The following DNAJC1 variants were observed in gnomAD, a reference collection of about 807,000 sequenced individuals.
The protein encoded by DNAJC1 is DnaJ heat shock protein family (Hsp40) member C1.
DNAJC1 carries 58 observed loss-of-function variants against 76.6 expected under a neutral mutation model. The ratio of observed to expected loss-of-function variants is 0.76; its 90% confidence interval spans 0.61 to 0.94. The LOEUF is 0.94. Ranked by LOEUF, DNAJC1 falls within the 40% of genes least tolerant of loss-of-function variation. The pLI is 0.00. For missense variants in DNAJC1, 689 were observed against 677.3 expected (o/e 1.02, Z -0.19); for synonymous variants, 258 against 267.9 (o/e 0.96, Z 0.36).
At chr10:21,832,719 T>C (rs976620782) in intron 8 of DNAJC1, among the ~76,000 whole-genome samples, 1 of 152,192 alleles carries the variant, frequency 6.6e-6, no homozygotes, top group Non-Finnish European at 1.5e-5. Context: ...GCAAAAATCT[T>C]CTAATGGGTC....
chr10:21,773,438 A>AT (rs1173994957), intron 9 of DNAJC1, among the ~76,000 whole-genome samples: 1 of 151,272 alleles, frequency 6.6e-6, no homozygotes, highest in African/African-American at 2.4e-5. Context: ...ATTTGCCCAG[A>AT]TTTTTTTTTC....
intron 1 of DNAJC1, among the ~76,000 whole-genome samples, chr10:21,984,834 C>G (rs1209977289): frequency 6.6e-6 from 1 of 152,162 alleles, no homozygotes; most frequent in African/African-American, 2.4e-5. Flanking sequence ...AGACCAAGTT[C>G]TGACAGCATA....
At chr10:21,910,303 C>T (rs1226820958) in intron 6 of DNAJC1, among the ~76,000 whole-genome samples, 1 of 151,882 alleles carries the variant, frequency 6.6e-6, no homozygotes, top group South Asian at 2.1e-4. Flanking sequence ...TTTAGTAAGA[C>T]GGCGTTTCAC....
At chr10:21,821,804 G>A (rs995395931) in intron 8 of DNAJC1, among the ~76,000 whole-genome samples, 6 of 150,366 alleles carry the variant, frequency 4.0e-5, no homozygotes, top group African/African-American at 9.8e-5. Flanking sequence ...CAAGTATTCT[G>A]TCTTCAGGCA....
At chr10:21,974,817 T>C (rs1031398036) in intron 1 of DNAJC1, among the ~76,000 whole-genome samples, 1 of 152,110 alleles carries the variant, frequency 6.6e-6, no homozygotes, top group Non-Finnish European at 1.5e-5. Context: ...CAAAATACAA[T>C]GTAATATTAT....
chr10:21,931,307 C>T lies in DNAJC1; in HGVS notation c.223-2166G>A, dbSNP rs542730484. Among the ~76,000 whole-genome samples, 6 of 152,274 alleles carry T rather than the reference C, an allele frequency of 3.9e-5. No individual in the cohort carries two copies. In the East Asian group the frequency reaches 7.7e-4, roughly 20 times the overall value. On this transcript the variant is annotated intron_variant, in intron 1 of 11. Coordinates refer to ENST00000376980, the MANE Select transcript of DNAJC1 (RefSeq NM_022365.4). ...GACAGCTCTCTTCTAAGGAACAGGG[C>T]TCTGTTTCTTATACACAAATATTGC...
At chr10:21,808,251 T>G (rs1034136021) in intron 8 of DNAJC1, among the ~76,000 whole-genome samples, 5 of 152,180 alleles carry the variant, frequency 3.3e-5, no homozygotes, top group African/African-American at 1.2e-4. Flanking sequence ...GGTAGTAAAC[T>G]AAGTCTTTAA....
At chr10:21,778,886 C>A (rs923110458) in intron 9 of DNAJC1, among the ~76,000 whole-genome samples, 1 of 152,202 alleles carries the variant, frequency 6.6e-6, no homozygotes, top group Admixed American at 6.5e-5. Flanking sequence ...AAAATTGGGT[C>A]ACTCCCACCC....
chr10:21,830,319 G>A (rs941881529), intron 8 of DNAJC1, among the ~76,000 whole-genome samples: 2 of 152,136 alleles, frequency 1.3e-5, no homozygotes, highest in African/African-American at 4.8e-5. Context: ...TAGTTTGTTT[G>A]AAAATATCTT....
At chr10:21,764,309 A>G (rs1157505917) in intron 10 of DNAJC1, among the ~76,000 whole-genome samples, 1 of 152,238 alleles carries the variant, frequency 6.6e-6, no homozygotes. Context: ...TATGTGCATC[A>G]GAAAAGTCTG....
intron 9 of DNAJC1, among the ~76,000 whole-genome samples, chr10:21,798,293 C>G (rs932322002): frequency 2.0e-5 from 3 of 152,182 alleles, no homozygotes; most frequent in African/African-American, 7.2e-5. Flanking sequence ...TCAAACTTCC[C>G]CACCAAACAG....
At chr10:21,867,799 C>T (rs1480052671) in intron 8 of DNAJC1, among the ~76,000 whole-genome samples, 1 of 151,910 alleles carries the variant, frequency 6.6e-6, no homozygotes, top group Non-Finnish European at 1.5e-5. Context: ...AGGCCGGGTG[C>T]CGTAGCTCAC....
chr10:21,890,422 A>C (rs1017982596), intron 7 of DNAJC1, among the ~76,000 whole-genome samples: 4 of 116,850 alleles, frequency 3.4e-5, no homozygotes, highest in South Asian at 2.4e-4. Flanking sequence ...CCCCCCCTAC[A>C]AAAAAAAAAA....
At chr10:21,901,565 A>G (rs749589411) in intron 7 of DNAJC1, among the ~76,000 whole-genome samples, 4 of 152,188 alleles carry the variant, frequency 2.6e-5, no homozygotes, top group Non-Finnish European at 4.4e-5. Context: ...TTTTTTACAG[A>G]AAGACTTCTC....
chr10:21,833,566 C>G (rs1835397682), intron 8 of DNAJC1, among the ~76,000 whole-genome samples: 1 of 152,148 alleles, frequency 6.6e-6, no homozygotes, highest in Admixed American at 6.5e-5. Context: ...ATTAGCTAAG[C>G]AGTGTGGGAG....
chr10:21,957,801 C>T (rs1564838240), intron 1 of DNAJC1, among the ~76,000 whole-genome samples: 1 of 152,138 alleles, frequency 6.6e-6, no homozygotes, highest in East Asian at 1.9e-4. Context: ...GGTACATATA[C>T]TTCTCAATAT....
intron 9 of DNAJC1, among the ~76,000 whole-genome samples, chr10:21,780,888 G>T (rs1044321002): frequency 2.0e-5 from 3 of 152,246 alleles, no homozygotes; most frequent in African/African-American, 7.2e-5. Flanking sequence ...TCAAAATAAA[G>T]AGATGGAGGA....
chr10:21,953,640 C>G (rs1338399324), intron 1 of DNAJC1, among the ~76,000 whole-genome samples: 2 of 151,352 alleles, frequency 1.3e-5, no homozygotes, highest in East Asian at 1.9e-4. Flanking sequence ...GCTTTTCCCC[C>G]TATTACTGTC....
At chr10:21,816,324 C>T (rs565991933) in intron 8 of DNAJC1, among the ~76,000 whole-genome samples, 7 of 151,992 alleles carry the variant, frequency 4.6e-5, no homozygotes, top group East Asian at 4.0e-4. Flanking sequence ...CGTGCCACTG[C>T]GCTCCAGCCT....
Sources: allele counts gnomAD v4.1 joint callset (sites outside exome capture counted in the v4.1 genomes callset), GRCh38; gene constraint gnomAD v4.1.1; transcripts MANE v1.5; gene names NCBI Gene and HGNC (gene_info 2026-07-23, HGNC 2026-07-21).